Variants in PSMA2 observed in about 807,000 individuals in gnomAD.
PSMA2 encodes the protein proteasome 20S subunit alpha 2.
In PSMA2, 2 loss-of-function variants were observed where a neutral mutation model predicts 35.9. That is an observed-to-expected ratio of 0.06 (90% CI 0.02 to 0.18). PSMA2 has a LOEUF of 0.18. Ranked by LOEUF, PSMA2 falls within the 10% of genes least tolerant of loss-of-function variation. The pLI is 1.00. For synonymous variants in PSMA2, 97 were observed against 98.2 expected (o/e 0.99, Z 0.07); for missense variants, 126 against 278.8 (o/e 0.45, Z 3.90).
rs763261249 is a variant in PSMA2, at chr7:42,932,150, C to A, written c.9G>T (p.Glu3Asp). 1.2e-6 allele frequency: 2 copies of A among 1,614,188 alleles called. No individual in the cohort carries two copies. The highest frequency in any genetic ancestry group is 1.7e-6 in the Non-Finnish European group (2 of 1,180,054). The stretch of plus-strand genomic sequence containing the variant: ...TAGTCAGCGAAAAGCTGTACCCGCG[C>A]TCCGCCATCTTTACCCGAAGAGCCA... MA[E>D]RGYSFSLTTF... Residue 3 changes from glutamate (E) to aspartate (D), a missense_variant, in exon 1 of 8, where the codon GAG becomes GAT. Around this residue, in one of 3 missense-constraint regions of PSMA2, gnomAD observed 78 missense variants for 151.1 expected, o/e 0.52. Coordinates refer to ENST00000223321, the MANE Select transcript of PSMA2 (RefSeq NM_002787.5).
chr7:42,929,773 T>G (rs1043632659), intron 1 of PSMA2, among the ~76,000 whole-genome samples: 4 of 152,220 alleles, frequency 2.6e-5, no homozygotes, highest in African/African-American at 9.7e-5. Flanking sequence ...CATTATCTCC[T>G]TGCTCACTAT....
At chr7:42,922,663 C>A (rs1310161598) in intron 5 of PSMA2, among the ~76,000 whole-genome samples, 1 of 152,068 alleles carries the variant, frequency 6.6e-6, no homozygotes, top group Non-Finnish European at 1.5e-5. Flanking sequence ...AAATATTTTT[C>A]TTTTGCCATC....
intron 1 of PSMA2, 115 bp from the exon 2 acceptor site, chr7:42,927,574 G>A (rs1786232666): frequency 2.0e-6 from 2 of 983,196 alleles, no homozygotes; most frequent in Non-Finnish European, 3.1e-6. Flanking sequence ...ACTCCAGGGA[G>A]TAACTGGCCT....
At chr7:42,917,712 A>C in intron 7 of PSMA2, 22 bp from the exon 8 acceptor site, 1 of 1,611,748 alleles carries the variant, frequency 6.2e-7, no homozygotes, top group Non-Finnish European at 8.5e-7. Context: ...GGAGGAAAAA[A>C]GGTCAATTTT....
At chr7:42,922,095 C>A (rs1329876198) in intron 5 of PSMA2, among the ~76,000 whole-genome samples, 164 bp from the exon 6 acceptor site, 1 of 151,926 alleles carries the variant, frequency 6.6e-6, no homozygotes, top group African/African-American at 2.4e-5. Flanking sequence ...TTTAAGAAGG[C>A]TAGAAGGATG....
rs779879129 is a variant in PSMA2, at chr7:42,917,583, G to A, written c.696C>T (p.Ala232=). The A allele has an allele frequency of 6.2e-7, 1 of 1,610,654 alleles. No individual in the cohort carries two copies. Among genetic ancestry groups the A allele is most frequent in the East Asian group, 2.2e-5 (1 of 44,788 alleles). ...TTCAGTCACTTCATTGTTATGCTAT[G>A]GCAGCCAAGTAATCCTTAACTTCAG... is the stretch of plus-strand genomic sequence containing the variant. ...TPTEVKDYLA[A]IA The change falls in exon 8 of 8, where the codon GCC becomes GCT. Residue 232 remains alanine (A), a synonymous_variant. Transcript: ENST00000223321.
Position 42,930,723 on chromosome 7 carries a change from A to T in PSMA2, c.41+1395T>A, listed in dbSNP as rs557561180. Among the ~76,000 whole-genome samples the T allele has an allele frequency of 5.3e-5, 8 of 152,004 alleles. No homozygotes were observed. The South Asian group carries it at 1.7e-3, about 32-fold the overall frequency. On this transcript the variant is annotated intron_variant, in intron 1 of 7. Coordinates refer to ENST00000223321, the MANE Select transcript of PSMA2 (RefSeq NM_002787.5). ...TCATGCCTTAAAAAAAAAAATTAGC[A>T]GGCAGGGTGGTGCACACCTCTAGTC... is the stretch of plus-strand genomic sequence containing the variant.
chr7:42,917,593 T>A lies in PSMA2; in HGVS notation c.686A>T (p.Tyr229Phe). ...TCATTGTTATGCTATGGCAGCCAAG[T>A]AATCCTTAACTTCAGTTGGAGTAAG... ...RRLTPTEVKD[Y>F]LAAIA The change falls in exon 8 of 8, where the codon TAC becomes TTC. Residue 229 changes from tyrosine to phenylalanine, a missense_variant. By Grantham distance (22) the Tyr-to-Phe change is conservative. This residue lies in a region of PSMA2 where 42 missense variants were observed against 83.6 expected (regional missense o/e 0.50). Transcript: ENST00000223321. 6.2e-7 allele frequency: 1 copy of A among 1,612,252 alleles called. No individual in the cohort carries two copies. The highest frequency in any genetic ancestry group is 1.1e-5 in the South Asian group (1 of 91,006).
At chr7:42,920,754 C>T (rs1030228467) in intron 6 of PSMA2, 6 of 152,076 alleles carry the variant, frequency 3.9e-5, no homozygotes, top group African/African-American at 1.2e-4. Context: ...CTTAACGTTA[C>T]GTGAAAAATG....
chr7:42,923,306 T>G lies in PSMA2; in HGVS notation c.456+19A>C. 1 of 1,560,426 alleles carries G rather than the reference T, an allele frequency of 6.4e-7. No homozygotes were observed. The highest frequency in any genetic ancestry group is 8.8e-7 in the Non-Finnish European group (1 of 1,132,708). On this transcript the variant is annotated intron_variant, in intron 5 of 7. Coordinates refer to ENST00000223321, the MANE Select transcript of PSMA2 (RefSeq NM_002787.5). Reference sequence around the variant, plus strand: ...GAGCACTTTTAACAAATCCCTCAAATACATTAAATGATACTTACAGATGGA... The same window carrying G: ...GAGCACTTTTAACAAATCCCTCAAAGACATTAAATGATACTTACAGATGGA...
intron 3 of PSMA2, among the ~76,000 whole-genome samples, chr7:42,925,881 T>C (rs549496830): frequency 3.3e-5 from 5 of 152,346 alleles, no homozygotes; most frequent in Middle Eastern, 3.4e-3. Flanking sequence ...CCTCTACCTA[T>C]CTTGCTCCAC....
At position 42,917,416 on chromosome 7, in the gene PSMA2, T is replaced by C; in HGVS notation, c.*158A>G. On this transcript the variant is annotated 3_prime_UTR_variant, in exon 8 of 8. Coordinates refer to ENST00000223321, the MANE Select transcript of PSMA2 (RefSeq NM_002787.5). ...AACTCCTAAAAGGCTGGAAGGTGGGTTTAACAGTTTATTAGGATTTATAAG... is the reference window on the plus strand; with the variant it reads ...AACTCCTAAAAGGCTGGAAGGTGGGCTTAACAGTTTATTAGGATTTATAAG... The C allele has an allele frequency of 1.7e-6, 1 of 571,744 alleles. No homozygotes were observed. The highest frequency in any genetic ancestry group is 3.4e-5 in the Admixed American group (1 of 29,608). 35.4% of individuals were successfully genotyped at this position (571,744 alleles called of 1,614,324 possible).
Position 42,932,008 on chromosome 7 carries a change from C to T in PSMA2, c.41+110G>A, listed in dbSNP as rs1583611173. ...AAAGCCGCATTTCCAACTCCATTCC[C>T]TACTGGACCCTCCAGAAGCACCAAT... On this transcript the variant is annotated intron_variant, in intron 1 of 7. Coordinates refer to ENST00000223321, the MANE Select transcript of PSMA2 (RefSeq NM_002787.5). 7 of 1,411,468 alleles carry T rather than the reference C, an allele frequency of 5.0e-6. No individual in the cohort carries two copies. The South Asian group carries it at 6.9e-5, about 14-fold the overall frequency. 87.4% of individuals were successfully genotyped at this position (1,411,468 alleles called of 1,614,324 possible).
rs529582656 is a variant in PSMA2, at chr7:42,925,514, T to A, written c.252-717A>T. 4.0e-4 allele frequency among the ~76,000 whole-genome samples: 61 copies of A among 152,260 alleles called. 1 individual carries two copies. Among genetic ancestry groups the A allele is most frequent in the Non-Finnish European group, 6.9e-4 (47 of 68,040 alleles). On this transcript the variant is annotated intron_variant, in intron 3 of 7. Transcript: ENST00000223321. ...TATTCCTCTTCTACTATACAGGAAC[T>A]GGGCATAAGGCTTTAGTTTTCTCCA...
intron 1 of PSMA2, among the ~76,000 whole-genome samples, chr7:42,930,114 T>C (rs1786274393): frequency 6.6e-6 from 1 of 152,198 alleles, no homozygotes; most frequent in Non-Finnish European, 1.5e-5. Context: ...GTATGGTCTC[T>C]AGTCCCTTCC....
At position 42,932,153 on chromosome 7, in the gene PSMA2, C is replaced by G; in HGVS notation, c.6G>C (p.Ala2=). Residue 2 remains alanine (A), a synonymous_variant, in exon 1 of 8, where the codon GCG becomes GCC. Coordinates refer to ENST00000223321, the MANE Select transcript of PSMA2 (RefSeq NM_002787.5). M[A]ERGYSFSLTT... ...TCAGCGAAAAGCTGTACCCGCGCTC[C>G]GCCATCTTTACCCGAAGAGCCAAAG... is the stretch of plus-strand genomic sequence containing the variant. 6.2e-7 allele frequency: 1 copy of G among 1,614,158 alleles called. No individual in the cohort carries two copies. The highest frequency in any genetic ancestry group is 8.5e-7 in the Non-Finnish European group (1 of 1,180,046).
chr7:42,919,162 G>A (rs539805518), intron 6 of PSMA2: 17 of 546,408 alleles, frequency 3.1e-5, no homozygotes, highest in Non-Finnish European at 5.3e-5. Context: ...TTGCAAAGAC[G>A]GCAAACCTAT....
At chr7:42,929,418 T>A (rs115227210) in intron 1 of PSMA2, among the ~76,000 whole-genome samples, 17 of 152,188 alleles carry the variant, frequency 1.1e-4, no homozygotes, top group Non-Finnish European at 2.2e-4. Flanking sequence ...CATGTAAACT[T>A]AATAGCTACC....
At chr7:42,920,337 A>G (rs1389121114) in intron 6 of PSMA2, 1 of 167,468 alleles carries the variant, frequency 6.0e-6, no homozygotes, top group Non-Finnish European at 1.3e-5. Context: ...TTTTTAATGA[A>G]TATGTACAAG....
Sources: allele counts gnomAD v4.1 joint callset (sites outside exome capture counted in the v4.1 genomes callset), GRCh38; gene constraint gnomAD v4.1.1; regional missense constraint gnomAD v4.1.1; transcripts MANE v1.5; gene names NCBI Gene and HGNC (gene_info 2026-07-23, HGNC 2026-07-21).